Variants in ZNF493 observed in about 807,000 individuals in gnomAD.
ZNF493 encodes the protein zinc finger protein 493.
A neutral mutation model predicts 12.2 loss-of-function variants in ZNF493; 11 were observed. The ratio of observed to expected loss-of-function variants is 0.90; its 90% CI spans 0.57 to 1.50. ZNF493 has a LOEUF of 1.50. Among genes scored for constraint, ZNF493 ranks in the 40% most tolerant of loss-of-function variants. The pLI, the probability that ZNF493 is intolerant of heterozygous loss-of-function variation, is 0.00. For synonymous variants in ZNF493, 286 were observed against 302.6 expected (o/e 0.95, Z 0.57); for missense variants, 950 against 906.6 (o/e 1.05, Z -0.61).
chr19:21,423,940 T>C lies in ZNF493; in HGVS notation c.1281T>C (p.His427=). 3 of 1,613,314 alleles carry C rather than the reference T, an allele frequency of 1.9e-6. No individual in the cohort carries two copies. The highest frequency in any genetic ancestry group is 2.5e-6 in the Non-Finnish European group (3 of 1,179,570). The change falls in exon 4 of 4, where the codon CAT becomes CAC. Residue 427 remains histidine, a synonymous_variant. Transcript: ENST00000392288. The stretch of plus-strand genomic sequence containing the variant: ...ACCTTACTACACATAAAAGAATTCA[T>C]ACTGGAGAGAAACCCTACAAATGTG... ...SSHLTTHKRI[H]TGEKPYKCEE... is the part of the protein sequence containing the mutation.
Position 21,424,900 on chromosome 19 carries a change from C to G in ZNF493, c.2241C>G (p.Gly747=). 1 of 1,613,150 alleles carries G rather than the reference C, an allele frequency of 6.2e-7. No individual in the cohort carries two copies. The change falls in exon 4 of 4, where the codon GGC becomes GGG. Residue 747 remains glycine, a synonymous_variant. Coordinates refer to ENST00000392288, the MANE Select transcript of ZNF493 (RefSeq NM_001076678.3). ...AACCCTACAAATGTGAAGCATGTGG[C>G]AAAGCTTTTAGGCGGTCTTCACATC... ...GDKPYKCEAC[G]KAFRRSSHLS... is the part of the protein sequence containing the mutation.
chr19:21,423,362 G>A lies in ZNF493; in HGVS notation c.703G>A (p.Glu235Lys), dbSNP rs1311754381. 1.2e-6 allele frequency: 2 copies of A among 1,613,516 alleles called. No individual in the cohort carries two copies. Among genetic ancestry groups the A allele is most frequent in the Admixed American group, 3.3e-5 (2 of 59,944 alleles). The change falls in exon 4 of 4, where the codon GAG becomes AAG. Residue 235 changes from glutamate to lysine, a missense_variant. Glu to Lys is a moderately conservative substitution (Grantham distance 56). Coordinates refer to ENST00000392288, the MANE Select transcript of ZNF493 (RefSeq NM_001076678.3). ...LTRHRRVHTG[E>K]KSYKYECGKS... ...TAGACACAGGAGAGTTCATACTGGA[G>A]AGAAATCCTACAAATATGAATGTGG...
intron 3 of ZNF493, among the ~76,000 whole-genome samples, chr19:21,410,025 TTTC>T (rs1342845913): frequency 2.0e-5 from 3 of 148,634 alleles, no homozygotes; most frequent in Non-Finnish European, 4.4e-5. Flanking sequence ...GTGACAATAT[TTTC>T]TTCTTTAAGA....
At chr19:21,399,350 C>G (rs2968070) in intron 1 of ZNF493, among the ~76,000 whole-genome samples, 12 of 151,198 alleles carry the variant, frequency 7.9e-5, no homozygotes, top group African/African-American at 2.7e-4. Flanking sequence ...TTAGTAGAGA[C>G]AGGGTTCCAC....
In ZNF493 at chr19:21,424,221, A is replaced by G; in HGVS notation, c.1562A>G (p.Glu521Gly). 2.5e-6 allele frequency: 4 copies of G among 1,612,742 alleles called. No individual in the cohort carries two copies. Among genetic ancestry groups the G allele is most frequent in the Non-Finnish European group, 3.4e-6 (4 of 1,179,034 alleles). Residue 521 changes from glutamate (E) to glycine (G), a missense_variant, in exon 4 of 4, where the codon GAA (glutamate) becomes GGA (glycine). Glu to Gly is a moderately conservative substitution (Grantham distance 98). Coordinates refer to ENST00000392288, the MANE Select transcript of ZNF493 (RefSeq NM_001076678.3). ...HTGEKPYKCE[E>G]CGKAFKRSST... The stretch of plus-strand genomic sequence containing the variant: ...GGAGAAAAACCCTACAAATGTGAAG[A>G]ATGTGGCAAAGCTTTTAAACGATCT...
In ZNF493 at chr19:21,423,113, A is replaced by C. The variant is rs1211753110; in HGVS notation, c.454A>C (p.Lys152Gln). ...CCAGTATTTGACAACTACCCAGAGC[A>C]AAATATTTCAATGTGATAAATATGT... ...LNQYLTTTQS[K>Q]IFQCDKYVKV... is the part of the protein sequence containing the mutation. Residue 152 changes from lysine to glutamine, a missense_variant, in exon 4 of 4, where the codon AAA becomes CAA. Transcript: ENST00000392288. The C allele has an allele frequency of 4.3e-6, 7 of 1,613,732 alleles. No individual in the cohort carries two copies. The highest frequency in any genetic ancestry group is 5.9e-6 in the Non-Finnish European group (7 of 1,179,782).
At chr19:21,406,525 A>G (rs1166918852) in intron 3 of ZNF493, among the ~76,000 whole-genome samples, 1 of 152,132 alleles carries the variant, frequency 6.6e-6, no homozygotes, top group African/African-American at 2.4e-5. Flanking sequence ...GTTTTGGGGG[A>G]CACACAAATA....
At chr19:21,402,877 A>C (rs1422105025) in intron 1 of ZNF493, among the ~76,000 whole-genome samples, 1 of 152,210 alleles carries the variant, frequency 6.6e-6, no homozygotes, top group Non-Finnish European at 1.5e-5. Context: ...CTACCTGTAA[A>C]TTGTAATAAT....
chr19:21,411,288 T>A (rs921412718), intron 3 of ZNF493, among the ~76,000 whole-genome samples: 1 of 152,184 alleles, frequency 6.6e-6, no homozygotes, highest in Admixed American at 6.5e-5. Flanking sequence ...TGTTCTGTTC[T>A]TTCATCTTTT....
chr19:21,405,272 T>C lies in ZNF493; in HGVS notation c.157+17T>C, dbSNP rs755979357. On this transcript the variant is annotated intron_variant, in intron 2 of 3. Transcript: ENST00000392288. Reference sequence around the variant, plus strand: ...TCTTCTTGGGTGAGAATAACTTTAATACAAAATCCCTTATATACCCTAAAG... The same window carrying C: ...TCTTCTTGGGTGAGAATAACTTTAACACAAAATCCCTTATATACCCTAAAG... 4 of 1,608,382 alleles carry C rather than the reference T, an allele frequency of 2.5e-6. No homozygotes were observed. In the African/African-American group the frequency reaches 5.4e-5, roughly 22 times the overall value.
chr19:21,422,228 A>G (rs1350505909), intron 3 of ZNF493, among the ~76,000 whole-genome samples: 1 of 152,088 alleles, frequency 6.6e-6, no homozygotes, highest in Non-Finnish European at 1.5e-5. Flanking sequence ...CTACTGCTGT[A>G]ACATTTACCT....
chr19:21,421,033 C>A (rs570735722), intron 3 of ZNF493, among the ~76,000 whole-genome samples: 4 of 152,084 alleles, frequency 2.6e-5, no homozygotes, highest in African/African-American at 9.7e-5. Flanking sequence ...CAGGCATGAG[C>A]TGCTGCACCC....
chr19:21,405,904 A>AT (rs749571050), intron 3 of ZNF493, 48 bp downstream of exon 3: 6 of 333,892 alleles, frequency 1.8e-5, no homozygotes, highest in Admixed American at 5.1e-5. Flanking sequence ...AGGTTGAAAG[A>AT]TTTAAAAAAA....
intron 2 of ZNF493, chr19:21,405,464 G>A: frequency 1.4e-6 from 2 of 1,391,814 alleles, no homozygotes; most frequent in South Asian, 1.7e-5. Context: ...GAGCCGGTCT[G>A]TATCCTTCAC....
At chr19:21,401,095 T>TACAA (rs1251876250) in intron 1 of ZNF493, among the ~76,000 whole-genome samples, 2 of 152,214 alleles carry the variant, frequency 1.3e-5, no homozygotes, top group Admixed American at 6.5e-5. Flanking sequence ...AAGTTTGTCA[T>TACAA]ACTTAGATAA....
At chr19:21,413,387 T>C in intron 3 of ZNF493, 1 of 407,238 alleles carries the variant, frequency 2.5e-6, no homozygotes, top group South Asian at 1.0e-4. Flanking sequence ...GTTGAAGGAA[T>C]ACTCATGGCA....
chr19:21,407,240 T>C (rs939814860), intron 3 of ZNF493, among the ~76,000 whole-genome samples: 2 of 151,976 alleles, frequency 1.3e-5, no homozygotes, highest in African/African-American at 4.8e-5. Context: ...TCCCAGCTAC[T>C]CAGGAGGCTG....
rs781484200 is a variant in ZNF493, at chr19:21,423,684, T to A, written c.1025T>A (p.Ile342Asn). ...IFSTPTKHKI[I>N]HTEEKSHRCE... ...TCAACCCCTACTAAACATAAGATAATTCACACTGAAGAGAAATCCCACAGA... is the reference window on the plus strand; with the variant it reads ...TCAACCCCTACTAAACATAAGATAAATCACACTGAAGAGAAATCCCACAGA... Residue 342 changes from isoleucine (I) to asparagine (N), a missense_variant, in exon 4 of 4, where the codon ATT (isoleucine) becomes AAT (asparagine). Coordinates refer to ENST00000392288, the MANE Select transcript of ZNF493 (RefSeq NM_001076678.3). The A allele has an allele frequency of 6.2e-7, 1 of 1,613,656 alleles. No individual in the cohort carries two copies. The highest frequency in any genetic ancestry group is 1.1e-5 in the South Asian group (1 of 91,068).
intron 2 of ZNF493, 140 bp from the exon 3 acceptor site, chr19:21,405,621 T>G: frequency 9.2e-7 from 1 of 1,086,106 alleles, no homozygotes; most frequent in Non-Finnish European, 1.2e-6. Context: ...TTCTAAATGT[T>G]AAGAACTTTC....
Sources: gnomAD v4.1 joint callset for allele counts (sites outside exome capture counted in the v4.1 genomes callset) on GRCh38, gnomAD v4.1.1 for gene constraint, MANE v1.5 for transcripts, NCBI Gene and HGNC (gene_info 2026-07-23, HGNC 2026-07-21) for gene names.